Variants in EHBP1 observed in about 807,000 individuals in gnomAD.
EHBP1 encodes EH domain-binding protein 1.
In EHBP1, 55 loss-of-function variants were observed where a neutral mutation model predicts 144.0. That is an observed-to-expected ratio of 0.38 (90% confidence interval 0.31 to 0.48). The LOEUF (loss-of-function observed/expected upper bound fraction) is 0.48, where lower values mean the gene tolerates loss of function less well. Ranked by LOEUF, EHBP1 falls within the 20% of genes least tolerant of loss-of-function variation. EHBP1 has a pLI of 0.98. For missense variants in EHBP1, 1,200 were observed against 1,364.2 expected (o/e 0.88, Z 1.90); for synonymous variants, 469 against 472.7 (o/e 0.99, Z 0.10).
Position 62,990,809 on chromosome 2 carries a change from C to G in EHBP1, c.2702C>G (p.Ala901Gly). ...TCACCCTCCAGTGCTGCCCAGAAAG[C>G]TGTAACTGAGAGCTCAGAGCAGGAC... is the stretch of plus-strand genomic sequence containing the variant. ...ANSPSSAAQK[A>G]VTESSEQDMK... The change falls in exon 16 of 23, where the codon GCT becomes GGT. Residue 901 changes from alanine to glycine, a missense_variant. By Grantham distance (60) the Ala-to-Gly change is moderately conservative. Transcript: ENST00000431489. 6.2e-7 allele frequency: 1 copy of G among 1,613,784 alleles called. No homozygotes were observed.
chr2:62,834,919 T>A (rs781415978), intron 7 of EHBP1, among the ~76,000 whole-genome samples: 1 of 152,222 alleles, frequency 6.6e-6, no homozygotes, highest in Admixed American at 6.5e-5. Flanking sequence ...CAATCTTCCA[T>A]CTCCACGAAG....
chr2:62,988,684 T>C (rs1468928633), intron 15 of EHBP1, among the ~76,000 whole-genome samples: 1 of 152,174 alleles, frequency 6.6e-6, no homozygotes, highest in Non-Finnish European at 1.5e-5. Context: ...ATGCATTGCC[T>C]TTATAAGCCA....
At chr2:62,881,731 C>A (rs1233830644) in intron 10 of EHBP1, 14 of 152,128 alleles carry the variant, frequency 9.2e-5, no homozygotes, top group Admixed American at 9.2e-4. Context: ...AGGTAAAACA[C>A]CTTTGGAATA....
intron 7 of EHBP1, chr2:62,858,560 T>C (rs1050881864): frequency 2.0e-5 from 24 of 1,194,382 alleles, no homozygotes; most frequent in African/African-American, 3.0e-5. Flanking sequence ...CTGTATTTAC[T>C]GTGACCTGCT....
intron 2 of EHBP1, among the ~76,000 whole-genome samples, chr2:62,734,574 C>T (rs185395381): frequency 1.3e-5 from 2 of 152,156 alleles, no homozygotes; most frequent in Non-Finnish European, 2.9e-5. Context: ...TTATGGAAAA[C>T]ATACAATTGG....
At chr2:62,903,778 GGA>G (rs1447445674) in intron 10 of EHBP1, among the ~76,000 whole-genome samples, 8 of 95,614 alleles carry the variant, frequency 8.4e-5, no homozygotes, top group Non-Finnish European at 1.9e-4. Flanking sequence ...AGAAGGAGAA[GGA>G]GAAGGAGGAG....
At chr2:62,785,118 T>C (rs1185289497) in intron 5 of EHBP1, among the ~76,000 whole-genome samples, 1 of 152,212 alleles carries the variant, frequency 6.6e-6, no homozygotes, top group East Asian at 1.9e-4. Context: ...GAAACAAGTC[T>C]TACTCTTACA....
intron 6 of EHBP1, among the ~76,000 whole-genome samples, chr2:62,830,339 T>C (rs2046741390): frequency 6.6e-6 from 1 of 152,014 alleles, no homozygotes; most frequent in Admixed American, 6.6e-5. Context: ...TTTCACCATG[T>C]TGGTTAGGCT....
chr2:62,736,384 C>T (rs535127614), intron 2 of EHBP1, among the ~76,000 whole-genome samples: 2 of 151,900 alleles, frequency 1.3e-5, no homozygotes, highest in African/African-American at 2.4e-5. Context: ...CCACCATACC[C>T]GGCTAATTTT....
chr2:62,681,340 G>GTGTGTATATATATATATATATATATATA (rs1171760462), intron 1 of EHBP1, among the ~76,000 whole-genome samples: 20 of 58,552 alleles, frequency 3.4e-4, no homozygotes, highest in African/African-American at 1.6e-3. Context: ...ATGTGTGTGT[G>GTGTGTATATATATATATATATATATATA]TATATATATA....
chr2:62,936,288 A>G (rs2153055473), intron 10 of EHBP1, among the ~76,000 whole-genome samples: 1 of 151,366 alleles, frequency 6.6e-6, no homozygotes, highest in East Asian at 1.9e-4. Flanking sequence ...CAGTTATAGA[A>G]CTCTCTGGGT....
rs543125406 is a variant in EHBP1 at position 62,921,682 on chromosome 2, C to T, written c.1186-21036C>T. On this transcript the variant is annotated intron_variant, in intron 10 of 22. Coordinates refer to ENST00000431489, the MANE Select transcript of EHBP1 (RefSeq NM_001142616.3). ...TTATCACAAATTACAGTAGACCACT[C>T]GACAATGTAGGGATTAGGGATACCA... Among the ~76,000 whole-genome samples, 57 of 152,150 alleles carry T rather than the reference C, an allele frequency of 3.7e-4. 1 individual carries two copies. The Middle Eastern group carries it at 0.021, about 55-fold the overall frequency.
intron 5 of EHBP1, among the ~76,000 whole-genome samples, chr2:62,804,888 C>G (rs1356081639): frequency 6.6e-6 from 1 of 152,146 alleles, no homozygotes; most frequent in Non-Finnish European, 1.5e-5. Flanking sequence ...AGGTTGCACG[C>G]TCCTTATGAG....
At chr2:62,919,298 T>A (rs1296015373) in intron 10 of EHBP1, among the ~76,000 whole-genome samples, 3 of 152,220 alleles carry the variant, frequency 2.0e-5, no homozygotes, top group African/African-American at 7.2e-5. Flanking sequence ...CACCTTTTGT[T>A]TTTCTCTTCA....
In EHBP1 at chr2:62,850,536, A is replaced by G. The variant is rs1029746649; in HGVS notation, c.635-8633A>G. ...CTTCTTATTCTCATCAATGTGAAGC[A>G]GGTCCATAACTGACATACAGTTACA... On this transcript the variant is annotated intron_variant, in intron 7 of 22. Transcript: ENST00000431489. 2.8e-4 allele frequency among the ~76,000 whole-genome samples: 43 copies of G among 152,188 alleles called. 1 individual carries two copies. The highest frequency in any genetic ancestry group is 2.5e-3 in the Admixed American group (38 of 15,276).
intron 14 of EHBP1, among the ~76,000 whole-genome samples, chr2:62,963,079 T>A (rs992916960): frequency 3.3e-5 from 5 of 152,204 alleles, no homozygotes; most frequent in Admixed American, 2.6e-4. Context: ...GAGAAAACAG[T>A]ATACGTGGGA....
chr2:63,006,116 C>G (rs938209500), intron 19 of EHBP1, among the ~76,000 whole-genome samples: 17 of 152,026 alleles, frequency 1.1e-4, no homozygotes, highest in African/African-American at 3.9e-4. Context: ...TTTCCAGTAG[C>G]TTATAAAACT....
intron 1 of EHBP1, among the ~76,000 whole-genome samples, chr2:62,684,699 A>G (rs1442195203): frequency 1.3e-5 from 2 of 152,234 alleles, no homozygotes; most frequent in South Asian, 2.1e-4. Flanking sequence ...AAAGCCCATC[A>G]ATGGCTTAGA....
chr2:62,851,587 A>G (rs1282558439), intron 7 of EHBP1, among the ~76,000 whole-genome samples: 1 of 152,222 alleles, frequency 6.6e-6, no homozygotes, highest in Non-Finnish European at 1.5e-5. Context: ...CCACTAAAAT[A>G]TAAAGCCATG....
Sources: allele counts gnomAD v4.1 joint callset (sites outside exome capture counted in the v4.1 genomes callset), GRCh38; gene constraint gnomAD v4.1.1; transcripts MANE v1.5; gene names NCBI Gene and HGNC (gene_info 2026-07-23, HGNC 2026-07-21).